The following GLIS3 variants were observed in gnomAD, a reference collection of about 807,000 sequenced individuals.
GLIS3 encodes GLIS family zinc finger 3, also known as zinc finger protein GLIS3.
Under a neutral mutation model 78.6 loss-of-function variants are expected in GLIS3, and 53 were observed. The observed-to-expected ratio is 0.67, with a 90% CI of 0.54 to 0.85. GLIS3 has a LOEUF of 0.85. Among genes scored for constraint, GLIS3 ranks in the 40% least tolerant of loss-of-function variants. The pLI, the probability that GLIS3 is intolerant of heterozygous loss-of-function variation, is 0.00. For synonymous variants in GLIS3, 684 were observed against 509.9 expected (o/e 1.34, Z -4.60); for missense variants, 1,703 against 1,231.1 (o/e 1.38, Z -5.74).
the GLIS3 span, among the ~76,000 whole-genome samples, chr9:4,487,758 G>C: frequency 6.6e-6 from 1 of 151,576 alleles, no homozygotes; most frequent in Admixed American, 6.6e-5. Context: ...TACAATTATA[G>C]CTCCCTGCAA....
chr9:4,278,926 A>T (rs1318058734), intron 2 of GLIS3, among the ~76,000 whole-genome samples: 1 of 152,218 alleles, frequency 6.6e-6, no homozygotes, highest in Non-Finnish European at 1.5e-5. Context: ...TCTTGTCAAA[A>T]ATATTTAACC....
intron 4 of GLIS3, among the ~76,000 whole-genome samples, chr9:4,114,186 C>T (rs938227908): frequency 2.6e-5 from 4 of 152,080 alleles, no homozygotes; most frequent in African/African-American, 9.7e-5. Flanking sequence ...ATGAGAAGCA[C>T]CAACAGACAG....
intron 6 of GLIS3, among the ~76,000 whole-genome samples, chr9:3,913,444 C>T (rs1824283588): frequency 6.6e-6 from 1 of 152,182 alleles, no homozygotes; most frequent in Non-Finnish European, 1.5e-5. Context: ...CTGGCTCTCA[C>T]CTAGCTTCGT....
intron 4 of GLIS3, chr9:4,054,387 A>T: frequency 2.0e-6 from 2 of 985,446 alleles, no homozygotes; most frequent in Non-Finnish European, 2.4e-6. Flanking sequence ...TATTTTCCCA[A>T]GCTCAGAGGA....
intron 2 of GLIS3, among the ~76,000 whole-genome samples, chr9:4,279,297 C>CAAAAAAAA (rs56734583): frequency 2.2e-5 from 2 of 92,026 alleles, no homozygotes; most frequent in Admixed American, 1.4e-4. Flanking sequence ...GACTCCATCT[C>CAAAAAAAA]AAAAAAAAAA....
intron 7 of GLIS3, among the ~76,000 whole-genome samples, chr9:3,892,227 T>C (rs573222843): frequency 2.0e-5 from 3 of 151,558 alleles, no homozygotes; most frequent in East Asian, 1.9e-4. Flanking sequence ...CAGCTAGAAA[T>C]AGGGAGTTCT....
the GLIS3 span, among the ~76,000 whole-genome samples, chr9:4,359,579 G>T: frequency 6.6e-6 from 1 of 152,126 alleles, no homozygotes; most frequent in African/African-American, 2.4e-5. Flanking sequence ...CCCACTAAAT[G>T]TTTTATTTAA....
intron 3 of GLIS3, among the ~76,000 whole-genome samples, chr9:4,310,174 G>GA: frequency 6.6e-6 from 1 of 152,198 alleles, no homozygotes; most frequent in Non-Finnish European, 1.5e-5. Flanking sequence ...TCCAACAATG[G>GA]ATGTAGTTGG....
chr9:4,074,979 TAG>T (rs1827922089), intron 4 of GLIS3, among the ~76,000 whole-genome samples: 1 of 152,146 alleles, frequency 6.6e-6, no homozygotes, highest in Non-Finnish European at 1.5e-5. Flanking sequence ...GGGAGCAGCA[TAG>T]AGTTTTCTGA....
chr9:3,956,028 C>CAAAAAAAAAAAAAAAAAAAAAAA, intron 4 of GLIS3, among the ~76,000 whole-genome samples: 1 of 87,628 alleles, frequency 1.1e-5, no homozygotes, highest in Non-Finnish European at 2.3e-5. Context: ...CCAGATTCAG[C>CAAAAAAAAAAAAAAAAAAAAAAA]AAAAAAAAAA....
chr9:4,352,029 T>G (rs1385842030), upstream of GLIS3, among the ~76,000 whole-genome samples: 39 of 152,214 alleles, frequency 2.6e-4, no homozygotes, highest in Admixed American at 2.6e-3. Flanking sequence ...TTTTCTAAAA[T>G]CTCTTTCTTT....
At chr9:4,164,225 G>A (rs192404527) in intron 2 of GLIS3, among the ~76,000 whole-genome samples, 1 of 152,168 alleles carries the variant, frequency 6.6e-6, no homozygotes, top group Admixed American at 6.5e-5. Flanking sequence ...TTCTCTCTCA[G>A]CTTATCTCTG....
the GLIS3 span, among the ~76,000 whole-genome samples, chr9:4,454,554 G>A: frequency 5.3e-5 from 8 of 152,304 alleles, no homozygotes; most frequent in East Asian, 1.2e-3. Flanking sequence ...GATAGTATGC[G>A]AGGGAGGATG....
At chr9:4,032,998 C>T (rs982961163) in intron 4 of GLIS3, among the ~76,000 whole-genome samples, 7 of 152,062 alleles carry the variant, frequency 4.6e-5, no homozygotes, top group Non-Finnish European at 8.8e-5. Flanking sequence ...GGACTACAGG[C>T]GCCCGCCACC....
chr9:4,321,851 G>C (rs1817534246), intron 2 of GLIS3, among the ~76,000 whole-genome samples: 1 of 151,928 alleles, frequency 6.6e-6, no homozygotes, highest in African/African-American at 2.4e-5. Flanking sequence ...TGGGATTATA[G>C]GTGTACACTA....
Position 3,977,789 on chromosome 9 carries a change from AT to A in GLIS3, c.1711-40601del, listed in dbSNP as rs1309268830. 6.6e-6 allele frequency among the ~76,000 whole-genome samples: 1 copy of A among 152,190 alleles called. No individual in the cohort carries two copies. Among genetic ancestry groups the A allele is most frequent in the Admixed American group, 6.5e-5 (1 of 15,278 alleles). ...CCCTTTCACCAAAGAGGAGAAAAAAATATTCTTAATTGAATTGAACCAGGAA... is the reference window on the plus strand; with the variant it reads ...CCCTTTCACCAAAGAGGAGAAAAAAAATTCTTAATTGAATTGAACCAGGAA... On this transcript the variant is annotated intron_variant, in intron 4 of 10. Coordinates refer to ENST00000381971, the MANE Select transcript of GLIS3 (RefSeq NM_001042413.2). This position sits in a 1 kb window ranked among gnomAD's most constrained non-coding sequence, Gnocchi z 4.1.
the GLIS3 span, among the ~76,000 whole-genome samples, chr9:4,354,323 G>A: frequency 1.3e-5 from 2 of 152,282 alleles, no homozygotes; most frequent in South Asian, 4.1e-4. Flanking sequence ...TCGCACTCTT[G>A]AAACAGGACA....
At chr9:4,150,181 A>G (rs768791393) in intron 2 of GLIS3, among the ~76,000 whole-genome samples, 10 of 152,174 alleles carry the variant, frequency 6.6e-5, no homozygotes, top group Non-Finnish European at 1.5e-4. Flanking sequence ...TCTACTAGAA[A>G]CCAACCTACC....
intron 1 of GLIS3, among the ~76,000 whole-genome samples, chr9:4,294,553 A>G (rs543842649): frequency 7.9e-5 from 12 of 152,224 alleles, no homozygotes; most frequent in African/African-American, 2.2e-4. Flanking sequence ...AATCCACATC[A>G]CATGCTTAGC....
Sources: allele counts gnomAD v4.1 joint callset (sites outside exome capture counted in the v4.1 genomes callset), GRCh38; gene constraint gnomAD v4.1.1; non-coding constraint Gnocchi (gnomAD v3.1); transcripts MANE v1.5; gene names NCBI Gene and HGNC (gene_info 2026-07-23, HGNC 2026-07-21).